Variants in ATP2B3 observed in about 807,000 individuals in gnomAD.
ATP2B3 encodes ATPase plasma membrane Ca2+ transporting 3.
Under a neutral mutation model 70.8 loss-of-function variants are expected in ATP2B3, and 12 were observed. The ratio of observed to expected loss-of-function variants is 0.17; its 90% CI spans 0.11 to 0.27. ATP2B3 has a LOEUF of 0.27. ATP2B3 is among the 10% of genes least tolerant of loss of function. The pLI is 1.00. For synonymous variants in ATP2B3, 460 were observed against 497.8 expected (o/e 0.92, Z 1.01); for missense variants, 858 against 1,118.5 (o/e 0.77, Z 3.32).
At chrX:153,524,575 T>C (rs1349182286) in intron 2 of ATP2B3, among the ~76,000 whole-genome samples, 2 of 111,951 alleles carry the variant, frequency 1.8e-5, no homozygotes, top group African/African-American at 3.3e-5. Context: ...GGTGAGGATC[T>C]AAGGTGCATC....
intron 16 of ATP2B3, 59 bp from the exon 17 acceptor site, chrX:153,558,053 G>T: frequency 1.8e-6 from 2 of 1,121,313 alleles, no homozygotes; most frequent in Non-Finnish European, 2.4e-6. Context: ...GTGATCAAGG[G>T]GGGCTGGGGA....
chrX:153,539,331 T>C (rs782649945), intron 3 of ATP2B3, among the ~76,000 whole-genome samples: 1 of 112,600 alleles, frequency 8.9e-6, no homozygotes, highest in South Asian at 3.7e-4. Flanking sequence ...TGAAGAAACC[T>C]GAGCCAGGGG....
chrX:153,542,733 C>T (rs1443986508), intron 6 of ATP2B3, among the ~76,000 whole-genome samples: 1 of 113,279 alleles, frequency 8.8e-6, no homozygotes, highest in Non-Finnish European at 1.9e-5. Flanking sequence ...CAGCGCTGTG[C>T]TTCTCTCAAT....
At chrX:153,542,686 G>GT (rs1330668008) in intron 6 of ATP2B3, among the ~76,000 whole-genome samples, 1 of 113,395 alleles carries the variant, frequency 8.8e-6, no homozygotes, top group Non-Finnish European at 1.9e-5. Flanking sequence ...TGTCCTGAAT[G>GT]GGAAGCCCCA....
chrX:153,531,265 C>T (rs1013796765), intron 2 of ATP2B3, among the ~76,000 whole-genome samples: 1 of 113,336 alleles, frequency 8.8e-6, no homozygotes, highest in Non-Finnish European at 1.9e-5. Context: ...TGCCCTCTCC[C>T]CACCTGCTCC....
At chrX:153,529,819 G>C (rs782641561) in intron 2 of ATP2B3, among the ~76,000 whole-genome samples, 2 of 110,789 alleles carry the variant, frequency 1.8e-5, no homozygotes, top group East Asian at 5.7e-4. Context: ...CTACAGTGTT[G>C]GCCTCTCTGT....
chrX:153,542,806 C>A (rs782446515), intron 6 of ATP2B3, among the ~76,000 whole-genome samples: 1 of 113,173 alleles, frequency 8.8e-6, no homozygotes, highest in Non-Finnish European at 1.9e-5. Context: ...CAGCATAGTC[C>A]GGTGTTTATC....
rs782751700 is a variant in ATP2B3 at position 153,557,899 on chromosome X, G to A, written c.2434-213G>A. ...TGAGCAAAGCCCCCCCCCCCACCGT[G>A]ACATGTGACAACTTACTGTTTGTAG... On this transcript the variant is annotated intron_variant, in intron 16 of 21. Coordinates refer to ENST00000263519, the MANE Select transcript of ATP2B3 (RefSeq NM_001001344.3). Among the ~76,000 whole-genome samples the A allele has an allele frequency of 3.2e-3, 325 of 101,179 alleles. 2 individuals are homozygous for A. The highest frequency in any genetic ancestry group is 9.7e-3 in the Admixed American group (89 of 9,172). 87.9% of individuals were successfully genotyped at this position (101,179 alleles called of 115,157 possible).
chrX:153,545,101 G>T (rs1024194498), intron 7 of ATP2B3, among the ~76,000 whole-genome samples: 2 of 112,879 alleles, frequency 1.8e-5, no homozygotes, highest in Non-Finnish European at 3.8e-5. Flanking sequence ...TCGGGGGGGG[G>T]GCCCTCCCTG....
intron 17 of ATP2B3, chrX:153,559,456 G>A (rs950064869): frequency 5.5e-6 from 2 of 366,060 alleles, no homozygotes. Flanking sequence ...AGACCCCATC[G>A]TCGGGCTGTT....
chrX:153,545,092 C>CGG (rs35125755), intron 7 of ATP2B3, among the ~76,000 whole-genome samples: 4 of 108,648 alleles, frequency 3.7e-5, no homozygotes, highest in South Asian at 4.0e-4. Context: ...TGAGTAGGGT[C>CGG]GGGGGGGGGG....
At chrX:153,579,947 T>A in intron 21 of ATP2B3, 31 bp from the exon 22 acceptor site, 1 of 1,171,500 alleles carries the variant, frequency 8.5e-7, no homozygotes, top group Non-Finnish European at 1.2e-6. Context: ...TGCTCCCACC[T>A]CGCGCCCTGT....
rs1042544082 is a variant in ATP2B3 at position 153,553,121 on chromosome X, C to T, written c.1910C>T (p.Pro637Leu). ...RDDMVRKIIEPMACDGLRTIC... is the reference protein window; with the variant it reads ...RDDMVRKIIELMACDGLRTIC... ...GACATGGTGAGGAAGATCATCGAGC[C>T]GATGGCTTGCGATGGCCTCCGCACC... Residue 637 changes from proline (P) to leucine (L), a missense_variant, in exon 13 of 22, where the codon CCG becomes CTG. Coordinates refer to ENST00000263519, the MANE Select transcript of ATP2B3 (RefSeq NM_001001344.3). The T allele has an allele frequency of 8.3e-7, 1 of 1,209,979 alleles. No homozygotes were observed. The highest frequency in any genetic ancestry group is 1.1e-6 in the Non-Finnish European group (1 of 894,017).
chrX:153,531,912 G>A (rs781821280), intron 2 of ATP2B3, among the ~76,000 whole-genome samples: 2 of 111,935 alleles, frequency 1.8e-5, no homozygotes, highest in South Asian at 3.7e-4. Flanking sequence ...GTGGGATCTC[G>A]CCCTCCATCT....
At chrX:153,559,975 A>C (rs2980018) in intron 18 of ATP2B3, 33 bp downstream of exon 18, 11 of 1,194,887 alleles carry the variant, frequency 9.2e-6, no homozygotes, top group Non-Finnish European at 1.2e-5. Flanking sequence ...GGAGGACTTC[A>C]GGACACTGTT....
rs924425798 is a variant in ATP2B3, at chrX:153,521,240, C to T, written c.-127+2689C>T. Among the ~76,000 whole-genome samples, 10 of 113,415 alleles carry T rather than the reference C, an allele frequency of 8.8e-5. No individual in the cohort carries two copies. In the East Asian group the frequency reaches 2.5e-3, roughly 28 times the overall value. ...CTGGCAGAAGCCAGGCCAAGCAGCG[C>T]CTGGCTGGAAAGCCCTCCCCTGCCT... On this transcript the variant is annotated intron_variant, in intron 2 of 21. Coordinates refer to ENST00000263519, the MANE Select transcript of ATP2B3 (RefSeq NM_001001344.3).
intron 21 of ATP2B3, among the ~76,000 whole-genome samples, 187 bp from the exon 22 acceptor site, chrX:153,579,791 A>G: frequency 8.9e-6 from 1 of 111,739 alleles, no homozygotes; most frequent in Non-Finnish European, 1.9e-5. Flanking sequence ...GCCCTCCAAC[A>G]AATGGGTGGA....
chrX:153,543,633 G>A (rs1557007668), intron 7 of ATP2B3, among the ~76,000 whole-genome samples: 1 of 112,857 alleles, frequency 8.9e-6, no homozygotes, highest in East Asian at 2.8e-4. Context: ...CTGCCCTGGG[G>A]CTTACAAAGC....
Position 153,581,086 on chromosome X carries a change from T to G in ATP2B3, c.*788T>G, listed in dbSNP as rs1603142836. On this transcript the variant is annotated 3_prime_UTR_variant, in exon 22 of 22. Transcript: ENST00000263519. ...TTGAATGTAGCAAGGTTGTAGTTGT[T>G]TTTTTTTTTTTTTCAGGGAACTAGA... 9.5e-6 allele frequency: 1 copy of G among 105,501 alleles called. No homozygotes were observed. The highest frequency in any genetic ancestry group is 1.9e-5 in the Non-Finnish European group (1 of 51,457). The allele number at this position is 105,501 out of a possible 1,213,427, so 8.7% of individuals were successfully genotyped here. A position where few individuals can be genotyped will look rare whatever the true frequency, so the allele number is the denominator to read the frequency against.
Sources: allele counts gnomAD v4.1 joint callset (sites outside exome capture counted in the v4.1 genomes callset), GRCh38; gene constraint gnomAD v4.1.1; transcripts MANE v1.5; gene names NCBI Gene and HGNC (gene_info 2026-07-23, HGNC 2026-07-21).